Variants in FMO5 observed in about 807,000 individuals in gnomAD.
FMO5 encodes flavin-containing monooxygenase 5.
FMO5 carries 51 observed loss-of-function variants against 43.6 expected under a neutral mutation model. The observed-to-expected ratio is 1.17, with a 90% confidence interval of 0.93 to 1.48. The LOEUF is 1.48. FMO5 is among the 40% of genes most tolerant of loss of function. The pLI, the probability that FMO5 is intolerant of heterozygous loss-of-function variation, is 0.00. For missense variants in FMO5, 644 were observed against 643.0 expected (o/e 1.00, Z -0.02); for synonymous variants, 187 against 216.5 (o/e 0.86, Z 1.20).
Position 147,219,135 on chromosome 1 carries a change from A to C in FMO5, c.136-3193T>G, listed in dbSNP as rs368142934. 6.4e-4 allele frequency among the ~76,000 whole-genome samples: 97 copies of C among 152,298 alleles called. 1 individual carries two copies. The highest frequency in any genetic ancestry group is 2.2e-3 in the African/African-American group (91 of 41,546). On this transcript the variant is annotated intron_variant, in intron 2 of 8. Coordinates refer to ENST00000254090, the MANE Select transcript of FMO5 (RefSeq NM_001461.4). ...GAAATTGAATTTGGAGACACCAAAA[A>C]CTATGATTTTGAAGTCTGTGCAGGA... is the stretch of plus-strand genomic sequence containing the variant.
intron 6 of FMO5, among the ~76,000 whole-genome samples, chr1:147,205,231 G>A (rs138505926): frequency 6.6e-6 from 1 of 152,088 alleles, no homozygotes; most frequent in East Asian, 1.9e-4. Context: ...AAATAATTAG[G>A]TGAAAGGTTT....
intron 6 of FMO5, 114 bp from the exon 7 acceptor site, chr1:147,201,618 G>T: frequency 1.4e-6 from 1 of 726,452 alleles, no homozygotes; most frequent in Non-Finnish European, 2.3e-6. Context: ...CTTCCCCTTG[G>T]TCTATGCATG....
intron 5 of FMO5, chr1:147,209,659 A>G (rs1184825949): frequency 6.6e-6 from 1 of 152,364 alleles, no homozygotes; most frequent in South Asian, 2.1e-4. Context: ...CTTTCCTCTT[A>G]ACTCTGCGAA....
chr1:147,186,652 A>G lies in FMO5; in HGVS notation c.*248T>C. Reference sequence around the variant, plus strand: ...AAAGACATACAAAGATGACTAAAAGAGTACCTGAGCTCCCAGTCTAGGGAT... The same window carrying G: ...AAAGACATACAAAGATGACTAAAAGGGTACCTGAGCTCCCAGTCTAGGGAT... On this transcript the variant is annotated 3_prime_UTR_variant, in exon 9 of 9. Transcript: ENST00000254090. 1 of 1,248,642 alleles carries G rather than the reference A, an allele frequency of 8.0e-7. No individual in the cohort carries two copies. Among genetic ancestry groups the G allele is most frequent in the Non-Finnish European group, 1.0e-6 (1 of 986,786 alleles). The allele number at this position is 1,248,642 out of a possible 1,614,324, so 77.3% of individuals were successfully genotyped here. A position where few individuals can be genotyped will look rare whatever the true frequency, so the allele number is the denominator to read the frequency against.
chr1:147,193,086 A>C (rs1459944142), intron 7 of FMO5, among the ~76,000 whole-genome samples: 1 of 152,180 alleles, frequency 6.6e-6, no homozygotes, highest in Non-Finnish European at 1.5e-5. Flanking sequence ...AAGGAATGGT[A>C]CCAGCTCCTC....
At chr1:147,203,505 T>C in intron 6 of FMO5, 3 of 866,218 alleles carry the variant, frequency 3.5e-6, no homozygotes, top group African/African-American at 1.6e-5. Flanking sequence ...TATTTCCTTC[T>C]TGAGGTACTG....
At chr1:147,201,119 G>T in intron 7 of FMO5, 33 bp downstream of exon 7, 1 of 1,462,582 alleles carries the variant, frequency 6.8e-7, no homozygotes, top group Non-Finnish European at 9.4e-7. Context: ...ATATCACCAA[G>T]TAATTAAGTA....
rs781950911 is a variant in FMO5, at chr1:147,186,420, T to G, written c.*480A>C. On this transcript the variant is annotated 3_prime_UTR_variant, in exon 9 of 9. Coordinates refer to ENST00000254090, the MANE Select transcript of FMO5 (RefSeq NM_001461.4). ...GATACATACAACTATTGTAGGAACA[T>G]TATTTCTCTTATCTCTCAGGAAACA... The G allele has an allele frequency of 3.3e-6, 3 of 905,412 alleles. No homozygotes were observed. The highest frequency in any genetic ancestry group is 4.0e-6 in the Non-Finnish European group (3 of 756,820). 56.1% of individuals were successfully genotyped at this position (905,412 alleles called of 1,614,324 possible). A position where few individuals can be genotyped will look rare whatever the true frequency, so the allele number is the denominator to read the frequency against.
chr1:147,184,518 C>T (rs72708554), downstream of FMO5: 48,917 of 1,546,750 alleles, frequency 0.032, 1,113 homozygotes, highest in South Asian at 0.09. The surrounding 1 kb of genome is among the most constrained non-coding windows in gnomAD (Gnocchi z 4.4). Context: ...CCCTTTATTC[C>T]GGGACAATTT....
downstream of FMO5, among the ~76,000 whole-genome samples, chr1:147,185,504 T>C (rs1655541576): frequency 6.6e-6 from 1 of 152,154 alleles, no homozygotes; most frequent in African/African-American, 2.4e-5. Context: ...CTCAGTTCTC[T>C]AACTCTCAAA....
At chr1:147,203,646 A>T (rs1659446669) in intron 6 of FMO5, 1 of 1,349,952 alleles carries the variant, frequency 7.4e-7, no homozygotes, top group South Asian at 1.2e-5. Flanking sequence ...AGTCCAGGAC[A>T]TGTCTCTCCA....
At chr1:147,184,788 G>A (rs895658590), downstream of FMO5, among the ~76,000 whole-genome samples, 3 of 151,998 alleles carry the variant, frequency 2.0e-5, no homozygotes, top group Non-Finnish European at 4.4e-5. The surrounding 1 kb of genome is among the most constrained non-coding windows in gnomAD (Gnocchi z 4.4). Context: ...CCACTACAAA[G>A]TTATTTTCCC....
intron 6 of FMO5, chr1:147,208,374 A>G (rs185869791): frequency 6.5e-6 from 1 of 152,840 alleles, no homozygotes. Context: ...GATCTTGGAC[A>G]TCTGTGGGTA....
downstream of FMO5, chr1:147,184,488 G>A: frequency 6.6e-7 from 1 of 1,520,960 alleles, no homozygotes; most frequent in Non-Finnish European, 8.8e-7. The surrounding 1 kb of genome is among the most constrained non-coding windows in gnomAD (Gnocchi z 4.4). Context: ...ATTACATTTA[G>A]ATGTTATGTC....
upstream of FMO5, among the ~76,000 whole-genome samples, chr1:147,226,029 G>A (rs1312542093): frequency 1.3e-5 from 2 of 151,956 alleles, no homozygotes; most frequent in African/African-American, 4.8e-5. Context: ...TTAGGTCAGG[G>A]GTTGATGTTA....
chr1:147,210,357 C>G (rs1315187968), intron 5 of FMO5: 2 of 152,192 alleles, frequency 1.3e-5, no homozygotes, highest in Non-Finnish European at 2.9e-5. Flanking sequence ...ATGCAGTTAC[C>G]TGGCAAAAGA....
In FMO5 at chr1:147,187,150, G is replaced by A. The variant is rs782670809; in HGVS notation, c.1352C>T (p.Ser451Phe). 1.2e-6 allele frequency: 2 copies of A among 1,614,132 alleles called. No homozygotes were observed. Among genetic ancestry groups the A allele is most frequent in the Admixed American group, 3.3e-5 (2 of 60,016 alleles). Residue 451 changes from serine to phenylalanine, a missense_variant, in exon 9 of 9, where the codon TCT becomes TTT. Transcript: ENST00000254090. The stretch of plus-strand genomic sequence containing the variant: ...CAGCTTGGGGTCAGTGAAGGCCAGA[G>A]ACAGCAGATTGGGCCTGACCCCCAC... ...DLVGVRPNLL[S>F]LAFTDPKLAL...
chr1:147,213,757 C>G (rs960224545), intron 3 of FMO5, among the ~76,000 whole-genome samples: 9 of 152,134 alleles, frequency 5.9e-5, no homozygotes, highest in Admixed American at 5.9e-4. Context: ...CACTGTAACA[C>G]CTGAGTAAAG....
Position 147,208,973 on chromosome 1 carries a change from A to G in FMO5, c.709T>C (p.Ser237Pro). The G allele has an allele frequency of 6.2e-7, 1 of 1,614,060 alleles. No homozygotes were observed. The highest frequency in any genetic ancestry group is 8.5e-7 in the Non-Finnish European group (1 of 1,179,900). Residue 237 changes from serine to proline, a missense_variant, in exon 6 of 9, where the codon TCT becomes CCT. Coordinates refer to ENST00000254090, the MANE Select transcript of FMO5 (RefSeq NM_001461.4). ...CATATAAAATGTGTAAGTCGAGAAG[A>G]GAACAACACATCAGCAGGATATCCG... is the stretch of plus-strand genomic sequence containing the variant. Reference protein sequence around the residue: ...DYGYPADVLFSSRLTHFIWKI... With the variant: ...DYGYPADVLFPSRLTHFIWKI...
Sources: allele counts gnomAD v4.1 joint callset (sites outside exome capture counted in the v4.1 genomes callset), GRCh38; gene constraint gnomAD v4.1.1; non-coding constraint Gnocchi (gnomAD v3.1); transcripts MANE v1.5; gene names NCBI Gene and HGNC (gene_info 2026-07-23, HGNC 2026-07-21).